Variants in TPD52 observed in about 807,000 individuals in gnomAD.
TPD52 encodes prostate and colon associated protein.
TPD52 carries 17 observed loss-of-function variants against 31.3 expected under a neutral mutation model. The ratio of observed to expected loss-of-function variants is 0.54; its 90% CI spans 0.37 to 0.82. The LOEUF (loss-of-function observed/expected upper bound fraction) is 0.82, where lower values mean the gene tolerates loss of function less well. TPD52 is among the 40% of genes least tolerant of loss of function. TPD52 has a pLI of 0.00. For synonymous variants in TPD52, 83 were observed against 89.6 expected, an observed-to-expected ratio of 0.93 and a Z score of 0.42; for missense variants, 212 against 240.1, an observed-to-expected ratio of 0.88 and a Z score of 0.77.
At chr8:80,051,038 T>C (rs1014546664) in intron 4 of TPD52, among the ~76,000 whole-genome samples, 7 of 150,770 alleles carry the variant, frequency 4.6e-5, no homozygotes, top group Non-Finnish European at 1.0e-4. Context: ...AATCAAGATT[T>C]TGGCCTAAGC....
At chr8:80,160,252 T>C (rs886513282) in intron 1 of TPD52, among the ~76,000 whole-genome samples, 4 of 152,078 alleles carry the variant, frequency 2.6e-5, no homozygotes, top group Non-Finnish European at 1.5e-5. Context: ...AGACAACAGA[T>C]TTGGAACGAA....
At chr8:80,063,160 A>G (rs939309689) in intron 2 of TPD52, among the ~76,000 whole-genome samples, 1 of 152,208 alleles carries the variant, frequency 6.6e-6, no homozygotes, top group South Asian at 2.1e-4. Context: ...ATGTCTATGA[A>G]TGGATAAATG....
intron 1 of TPD52, among the ~76,000 whole-genome samples, chr8:80,146,541 G>A (rs1810209238): frequency 1.3e-5 from 2 of 152,144 alleles, no homozygotes; most frequent in Non-Finnish European, 2.9e-5. Flanking sequence ...TAGAGTGATG[G>A]TCCCATTATC....
At chr8:80,157,149 A>T (rs1326290735) in intron 1 of TPD52, among the ~76,000 whole-genome samples, 2 of 152,150 alleles carry the variant, frequency 1.3e-5, no homozygotes, top group Non-Finnish European at 2.9e-5. Flanking sequence ...TAGTATCTAT[A>T]GTCATCATCA....
chr8:80,138,004 G>A (rs543432644), intron 1 of TPD52, among the ~76,000 whole-genome samples: 1 of 152,186 alleles, frequency 6.6e-6, no homozygotes, highest in Admixed American at 6.5e-5. Context: ...GAGTGCAATG[G>A]CACGATCTTG....
At chr8:80,100,435 C>G (rs1806648474) in intron 1 of TPD52, among the ~76,000 whole-genome samples, 1 of 152,246 alleles carries the variant, frequency 6.6e-6, no homozygotes, top group African/African-American at 2.4e-5. Context: ...TTCAGCATTT[C>G]TCTCTAAAAA....
intron 4 of TPD52, among the ~76,000 whole-genome samples, chr8:80,050,788 T>C (rs1226475270): frequency 2.6e-5 from 4 of 152,210 alleles, no homozygotes; most frequent in Admixed American, 1.3e-4. Flanking sequence ...TTGTAAGATA[T>C]ACACTTTCCC....
At chr8:80,041,375 C>G (rs144334995) in intron 7 of TPD52, among the ~76,000 whole-genome samples, 1 of 152,242 alleles carries the variant, frequency 6.6e-6, no homozygotes, top group African/African-American at 2.4e-5. Flanking sequence ...AGATGCATTT[C>G]GTGACTCAAA....
At chr8:80,157,454 C>T (rs1035901646) in intron 1 of TPD52, among the ~76,000 whole-genome samples, 2 of 152,192 alleles carry the variant, frequency 1.3e-5, no homozygotes, top group Non-Finnish European at 2.9e-5. Flanking sequence ...CCAGGAGAGG[C>T]AGGCTTGGCC....
At chr8:80,065,321 T>A (rs1172330866) in intron 1 of TPD52, among the ~76,000 whole-genome samples, 1 of 146,528 alleles carries the variant, frequency 6.8e-6, no homozygotes, top group Admixed American at 6.8e-5. Flanking sequence ...ATATATATCA[T>A]CCAGATACCC....
intron 7 of TPD52, among the ~76,000 whole-genome samples, chr8:80,039,011 T>TA (rs1810123794): frequency 1.3e-5 from 2 of 152,340 alleles, no homozygotes; most frequent in South Asian, 4.1e-4. Flanking sequence ...CTCTCACTGT[T>TA]ACACTGTCCA....
chr8:80,111,894 T>C (rs928302914), intron 1 of TPD52, among the ~76,000 whole-genome samples: 7 of 152,208 alleles, frequency 4.6e-5, no homozygotes, highest in Non-Finnish European at 8.8e-5. Flanking sequence ...CATCATAGGG[T>C]TGTTGTGAAT....
downstream of TPD52, among the ~76,000 whole-genome samples, chr8:80,032,152 CAAAAAAAAAAAAA>C (rs150988844): frequency 1.8e-5 from 1 of 56,540 alleles, no homozygotes; most frequent in Non-Finnish European, 4.9e-5. Flanking sequence ...GACTCCAGCT[CAAAAAAAAAAAAA>C]AAAAAAAAAA....
At chr8:80,064,337 T>G (rs1179848143) in intron 2 of TPD52, 141 bp downstream of exon 2, 2 of 702,682 alleles carry the variant, frequency 2.8e-6, no homozygotes, top group Non-Finnish European at 4.9e-6. Flanking sequence ...TCTCCCCTAC[T>G]CAAGACCTGC....
chr8:80,053,096 T>G lies in TPD52; in HGVS notation c.284+186A>C, dbSNP rs146082787. The G allele has an allele frequency of 3.4e-3, 1,767 of 524,708 alleles. 29 individuals carry two copies. The highest frequency in any genetic ancestry group is 0.031 in the African/African-American group (1,621 of 51,770). 32.5% of individuals were successfully genotyped at this position (524,708 alleles called of 1,614,324 possible). On this transcript the variant is annotated intron_variant, in intron 3 of 7. Transcript: ENST00000518937. ...CTTTCTTTCTATTCCTTAGAATAAG[T>G]GGTCTGGAAAAATTGAAGTTACAAA... is the stretch of plus-strand genomic sequence containing the variant.
intron 1 of TPD52, among the ~76,000 whole-genome samples, chr8:80,152,279 T>G (rs547195752): frequency 6.6e-6 from 1 of 152,118 alleles, no homozygotes; most frequent in African/African-American, 2.4e-5. Flanking sequence ...AGCAGGAGGA[T>G]GAAGAAGCCA....
At chr8:80,059,997 C>G (rs1812337519) in intron 2 of TPD52, among the ~76,000 whole-genome samples, 1 of 151,476 alleles carries the variant, frequency 6.6e-6, no homozygotes, top group African/African-American at 2.4e-5. Flanking sequence ...ACAAGAATTG[C>G]TTGAACCCTG....
intron 1 of TPD52, among the ~76,000 whole-genome samples, chr8:80,065,258 T>C (rs1489375457): frequency 1.0e-5 from 1 of 99,922 alleles, no homozygotes; most frequent in Non-Finnish European, 2.3e-5. Context: ...TAGATGATTA[T>C]ATCTATCTAT....
rs528706352 is a variant in TPD52, at chr8:80,072,400, T to C, written c.20-7807A>G. Among the ~76,000 whole-genome samples, 126 of 145,708 alleles carry C rather than the reference T, an allele frequency of 8.6e-4. 12 individuals carry two copies. The highest frequency in any genetic ancestry group is 3.0e-3 in the African/African-American group (115 of 38,640). ...ATATGCGTGTATATACATGTACACA[T>C]AGATATGCGTGTATATACATGTACA... On this transcript the variant is annotated intron_variant, in intron 1 of 7. Transcript: ENST00000518937.
Sources: gnomAD v4.1 joint callset for allele counts (sites outside exome capture counted in the v4.1 genomes callset) on GRCh38, gnomAD v4.1.1 for gene constraint, MANE v1.5 for transcripts, NCBI Gene and HGNC (gene_info 2026-07-23, HGNC 2026-07-21) for gene names.